PCDHA5: variants seen among roughly 807,000 people sequenced by gnomAD.
The protein encoded by PCDHA5 is protocadherin alpha-5.
A neutral mutation model predicts 61.6 loss-of-function variants in PCDHA5; 43 were observed. That is an observed-to-expected ratio of 0.70 (90% CI 0.55 to 0.90). PCDHA5 has a LOEUF of 0.90. Among genes scored for constraint, PCDHA5 ranks in the 40% least tolerant of loss-of-function variants. PCDHA5 has a pLI of 0.00. For synonymous variants in PCDHA5, 627 were observed against 543.9 expected (o/e 1.15, Z -2.13); for missense variants, 1,298 against 1,222.7 (o/e 1.06, Z -0.92).
chr5:140,968,899 A>T (rs782594245), intron 1 of PCDHA5: 7 of 1,614,130 alleles, frequency 4.3e-6, no homozygotes, highest in Non-Finnish European at 5.1e-6. Flanking sequence ...TAATAATAGC[A>T]TTAAGCACAG....
intron 1 of PCDHA5, chr5:140,875,502 A>G (rs201298546): frequency 1.7e-5 from 28 of 1,613,494 alleles, no homozygotes; most frequent in Non-Finnish European, 2.3e-5. Context: ...GAGGCCCGGG[A>G]TCCCAGCGTC....
chr5:140,968,807 G>C (rs1327580375), intron 1 of PCDHA5: 1 of 1,614,178 alleles, frequency 6.2e-7, no homozygotes, highest in Non-Finnish European at 8.5e-7. Flanking sequence ...AGTAGCTGTG[G>C]TGGATAGGGT....
chr5:141,008,670 A>G (rs1375302412), intron 3 of PCDHA5, among the ~76,000 whole-genome samples: 1 of 152,218 alleles, frequency 6.6e-6, no homozygotes, highest in Non-Finnish European at 1.5e-5. Flanking sequence ...TACTTTACAT[A>G]TACTTTAGTT....
intron 3 of PCDHA5, among the ~76,000 whole-genome samples, chr5:140,989,624 G>C (rs527255277): frequency 6.6e-6 from 1 of 152,208 alleles, no homozygotes; most frequent in Non-Finnish European, 1.5e-5. Context: ...GTCTGTCCTA[G>C]TGACAGCAAG....
At chr5:140,869,419 C>T (rs782550413) in intron 1 of PCDHA5, 4 of 1,614,078 alleles carry the variant, frequency 2.5e-6, no homozygotes, top group Non-Finnish European at 3.4e-6. Context: ...CAGCATCCAC[C>T]TGGAGGTGAT....
At chr5:140,990,288 C>T (rs537252814) in intron 3 of PCDHA5, among the ~76,000 whole-genome samples, 1 of 152,226 alleles carries the variant, frequency 6.6e-6, no homozygotes, top group South Asian at 2.1e-4. Context: ...TTGAGATTAT[C>T]GATGCCATTG....
intron 1 of PCDHA5, chr5:140,863,174 C>T (rs781864500): frequency 1.4e-6 from 1 of 714,706 alleles, no homozygotes; most frequent in East Asian, 4.3e-5. Context: ...GCGCTGACTG[C>T]CACCGTCACC....
intron 1 of PCDHA5, chr5:140,856,703 C>A (rs1413055800): frequency 1.9e-6 from 3 of 1,596,568 alleles, no homozygotes; most frequent in Admixed American, 1.7e-5. Context: ...TGGAGGCAAA[C>A]CTGAATTTAC....
At chr5:140,856,260 G>T (rs782445424) in intron 1 of PCDHA5, 1 of 1,598,174 alleles carries the variant, frequency 6.3e-7, no homozygotes, top group Non-Finnish European at 8.6e-7. Context: ...AAAAGACACG[G>T]GGACCTTCTG....
At chr5:140,947,969 C>T (rs1159851699) in intron 1 of PCDHA5, among the ~76,000 whole-genome samples, 1 of 151,182 alleles carries the variant, frequency 6.6e-6, no homozygotes, top group African/African-American at 2.4e-5. Context: ...TAAGTATGTG[C>T]TACTCATAGG....
At chr5:140,847,783 T>G (rs1360011396) in intron 1 of PCDHA5, 1 of 149,840 alleles carries the variant, frequency 6.7e-6, no homozygotes, top group Non-Finnish European at 1.5e-5. Flanking sequence ...TCGCTTTTCT[T>G]GCAATATTTT....
At chr5:140,868,689 T>A (rs951881699) in intron 1 of PCDHA5, 4 of 174,918 alleles carry the variant, frequency 2.3e-5, no homozygotes, top group Admixed American at 2.1e-4. Flanking sequence ...GTTATAATGT[T>A]AAGTCAAACA....
At chr5:140,946,976 G>A (rs2094064804) in intron 1 of PCDHA5, among the ~76,000 whole-genome samples, 1 of 151,532 alleles carries the variant, frequency 6.6e-6, no homozygotes, top group Admixed American at 6.6e-5. Context: ...ATAGAATAGA[G>A]GATTTTGAGT....
intron 1 of PCDHA5, among the ~76,000 whole-genome samples, chr5:140,946,432 A>C (rs1254032204): frequency 6.6e-6 from 1 of 151,682 alleles, no homozygotes; most frequent in Admixed American, 6.6e-5. Context: ...GTTACTCAAA[A>C]ATTGAGACTA....
intron 1 of PCDHA5, chr5:140,869,239 G>A: frequency 6.2e-7 from 1 of 1,613,652 alleles, no homozygotes; most frequent in Non-Finnish European, 8.5e-7. Context: ...CACCTTCGTG[G>A]GCCGCATCGC....
chr5:140,886,945 A>T (rs2061235497), intron 1 of PCDHA5, among the ~76,000 whole-genome samples: 1 of 152,148 alleles, frequency 6.6e-6, no homozygotes, highest in Admixed American at 6.5e-5. Flanking sequence ...TGTTCTACAC[A>T]TTAGACATTT....
chr5:140,870,147 A>G (rs1554163846), intron 1 of PCDHA5: 2 of 1,614,086 alleles, frequency 1.2e-6, no homozygotes, highest in Non-Finnish European at 1.7e-6. Flanking sequence ...ACTCTCCTGA[A>G]GTCGCCGTGA....
At chr5:140,824,417 G>T in intron 1 of PCDHA5, 1 of 513,492 alleles carries the variant, frequency 1.9e-6, no homozygotes, top group Admixed American at 3.8e-5. Flanking sequence ...ACATAGTTTG[G>T]AGTCATTCTC....
Position 140,829,464 on chromosome 5 carries a change from C to T in PCDHA5, c.2352+5337C>T. 1 of 1,613,860 alleles carries T rather than the reference C, an allele frequency of 6.2e-7. No homozygotes were observed. Among genetic ancestry groups the T allele is most frequent in the Non-Finnish European group, 8.5e-7 (1 of 1,180,028 alleles). ...GACAATGCTCCGGCGTTCGCGCAGC[C>T]CGAGTACACAGTGTTCGTGAAGGAG... is the stretch of plus-strand genomic sequence containing the variant. On this transcript the variant is annotated intron_variant, in intron 1 of 3. Coordinates refer to ENST00000529859, the MANE Select transcript of PCDHA5 (RefSeq NM_018908.3).
Sources: gnomAD v4.1 joint callset for allele counts (sites outside exome capture counted in the v4.1 genomes callset) on GRCh38, gnomAD v4.1.1 for gene constraint, MANE v1.5 for transcripts, NCBI Gene and HGNC (gene_info 2026-07-23, HGNC 2026-07-21) for gene names.